MYOM2: variants seen among roughly 807,000 people sequenced by gnomAD.
MYOM2 encodes the protein myomesin 2.
MYOM2 carries 254 observed loss-of-function variants against 187.6 expected under a neutral mutation model. The observed-to-expected ratio is 1.35, with a 90% confidence interval of 1.22 to 1.50. The LOEUF (loss-of-function observed/expected upper bound fraction) is 1.50. MYOM2 is among the 40% of genes most tolerant of loss of function. The probability of loss-of-function intolerance (pLI) is 0.00; values close to 1 mark genes in which losing one functional copy is unlikely to be tolerated. For synonymous variants in MYOM2, 981 were observed against 753.8 expected (o/e 1.30, Z -4.94); for missense variants, 2,796 against 1,924.0 (o/e 1.45, Z -8.48).
intron 13 of MYOM2, among the ~76,000 whole-genome samples, chr8:2,082,426 G>C (rs952563422): frequency 3.9e-5 from 6 of 151,988 alleles, no homozygotes; most frequent in Non-Finnish European, 8.8e-5. Flanking sequence ...GCTTTAGCTA[G>C]AAAATACTTG....
chr8:2,142,719 TCCCTCCCTCCCTTCCTCCCTTCCTC>T (rs1798316892), intron 35 of MYOM2, among the ~76,000 whole-genome samples: 1 of 4,760 alleles, frequency 2.1e-4, no homozygotes, highest in Admixed American at 3.2e-3. Context: ...CCTCCCTCCC[TCCCTCCCTCCCTTCCTCCCTTCCTC>T]CCCTCCCTCC....
At chr8:2,118,499 G>C (rs1797320715) in intron 28 of MYOM2, among the ~76,000 whole-genome samples, 1 of 152,176 alleles carries the variant, frequency 6.6e-6, no homozygotes, top group African/African-American at 2.4e-5. Flanking sequence ...TCCCAAACTA[G>C]TTTCTTATTG....
At chr8:2,085,133 G>A (rs1819766563) in intron 13 of MYOM2, 130 bp from the exon 14 acceptor site, 1 of 1,159,976 alleles carries the variant, frequency 8.6e-7, no homozygotes, top group East Asian at 2.5e-5. Flanking sequence ...TTTGGGGTTT[G>A]TTTGACTTCC....
chr8:2,081,841 A>G (rs1352630026), intron 13 of MYOM2: 1 of 152,252 alleles, frequency 6.6e-6, no homozygotes, highest in African/African-American at 2.4e-5. Flanking sequence ...TGGCATCCAG[A>G]CACTGTAGCT....
intron 6 of MYOM2, among the ~76,000 whole-genome samples, chr8:2,061,539 T>C (rs1435037657): frequency 6.6e-6 from 1 of 152,180 alleles, no homozygotes; most frequent in African/African-American, 2.4e-5. Flanking sequence ...ATGCTCATCC[T>C]GGTGGCCTGA....
intron 31 of MYOM2, among the ~76,000 whole-genome samples, chr8:2,126,835 G>A (rs1464174712): frequency 7.1e-6 from 1 of 140,760 alleles, no homozygotes; most frequent in African/African-American, 2.7e-5. Flanking sequence ...GGAGCACTGG[G>A]AGAGGTTGAT....
At chr8:2,099,482 T>C (rs1796610737) in intron 19 of MYOM2, among the ~76,000 whole-genome samples, 1 of 151,772 alleles carries the variant, frequency 6.6e-6, no homozygotes, top group Admixed American at 6.6e-5. Context: ...GGGTTCTCAT[T>C]CGTGGGTGAG....
intron 28 of MYOM2, among the ~76,000 whole-genome samples, chr8:2,122,900 A>G (rs904307420): frequency 1.3e-5 from 2 of 152,190 alleles, no homozygotes; most frequent in Admixed American, 6.5e-5. Flanking sequence ...AATATTCTCT[A>G]TTATTCAGAA....
intron 30 of MYOM2, 127 bp from the exon 31 acceptor site, chr8:2,124,052 G>T: frequency 1.1e-6 from 1 of 909,184 alleles, no homozygotes; most frequent in Non-Finnish European, 1.7e-6. Context: ...GATAAATATT[G>T]CCATTTTAAT....
At position 2,101,007 on chromosome 8, in the gene MYOM2, G is replaced by C. The variant is rs763183832; in HGVS notation, c.2572G>C (p.Glu858Gln). 6 of 1,614,192 alleles carry C rather than the reference G, an allele frequency of 3.7e-6. No homozygotes were observed. The highest frequency in any genetic ancestry group is 5.1e-6 in the Non-Finnish European group (6 of 1,180,044). Reference sequence around the variant, plus strand: ...GGACTTCAGGGAGGAGGATGCTGGAGAGTGGATCACTGTCAATCAGACGAC... The same window carrying C: ...GGACTTCAGGGAGGAGGATGCTGGACAGTGGATCACTGTCAATCAGACGAC... ...FVDFREEDAG[E>Q]WITVNQTTTA... The change falls in exon 20 of 37, where the codon GAG becomes CAG. Residue 858 changes from glutamate to glutamine, a missense_variant. By Grantham distance (29) the Glu-to-Gln change is conservative. Transcript: ENST00000262113.
chr8:2,078,646 A>T, intron 11 of MYOM2, 88 bp from the exon 12 acceptor site: 2 of 1,174,030 alleles, frequency 1.7e-6, no homozygotes, highest in East Asian at 2.3e-5. Flanking sequence ...TGTTATAATC[A>T]GTGTGTGCAT....
At chr8:2,143,818 C>T (rs563389734) in intron 36 of MYOM2, among the ~76,000 whole-genome samples, 21 of 152,318 alleles carry the variant, frequency 1.4e-4, no homozygotes, top group African/African-American at 4.3e-4. Context: ...CCCTGACCTA[C>T]CTGCGTGTGT....
intron 32 of MYOM2, among the ~76,000 whole-genome samples, chr8:2,133,039 T>G (rs1797931266): frequency 6.6e-6 from 1 of 152,202 alleles, no homozygotes. Context: ...TGCCTTGCGG[T>G]CCTGGCCTGT....
chr8:2,142,306 G>T (rs1798300572), intron 34 of MYOM2, 69 bp from the exon 35 acceptor site: 2 of 1,453,458 alleles, frequency 1.4e-6, no homozygotes. Context: ...TCTCAGCTGT[G>T]CATTTTGTTG....
chr8:2,085,078 G>A (rs1819762736), intron 13 of MYOM2, 185 bp from the exon 14 acceptor site: 1 of 640,772 alleles, frequency 1.6e-6, no homozygotes, highest in Non-Finnish European at 2.6e-6. Flanking sequence ...AAACTAACTG[G>A]CTGATCTTTA....
rs558116342 is a variant in MYOM2, at chr8:2,144,873, C to A, written c.4290C>A (p.Asp1430Glu). The A allele has an allele frequency of 2.5e-6, 4 of 1,613,942 alleles. No homozygotes were observed. In the East Asian group the frequency reaches 8.9e-5, roughly 36 times the overall value. The change falls in exon 37 of 37, where the codon GAC becomes GAA. Residue 1430 changes from aspartate (D) to glutamate (E), a missense_variant. Asp to Glu is a conservative substitution (Grantham distance 45, BLOSUM62 2). Transcript: ENST00000262113. ...ATAAGTATGGCGGGGAGAAGATCGA[C>A]GTGACAGTGAGCGTGTACAAACACG... ...IKNKYGGEKI[D>E]VTVSVYKHGE... is the part of the protein sequence containing the mutation.
intron 6 of MYOM2, among the ~76,000 whole-genome samples, chr8:2,059,495 C>T (rs1004458445): frequency 4.3e-4 from 65 of 152,140 alleles, no homozygotes; most frequent in Admixed American, 1.9e-3. Context: ...AAGGTAATGG[C>T]ATCTGGGTGG....
chr8:2,116,622 T>C lies in MYOM2; in HGVS notation c.3385+347T>C, dbSNP rs143790883. On this transcript the variant is annotated intron_variant, in intron 27 of 36. Transcript: ENST00000262113. ...AGGAAATTGCTCATTCTACTTAAGA[T>C]TGTGGGAGCTGTTAAACTTTCTAAC... Among the ~76,000 whole-genome samples the C allele has an allele frequency of 3.8e-3, 580 of 152,354 alleles. 29 individuals carry two copies. The East Asian group carries it at 0.099, about 26-fold the overall frequency.
intron 11 of MYOM2, 180 bp downstream of exon 11, chr8:2,076,462 G>C (rs1819425900): frequency 1.3e-6 from 1 of 794,226 alleles, no homozygotes; most frequent in Non-Finnish European, 1.9e-6. Context: ...CGGCCAAGTA[G>C]GCTGAGCCCA....
Sources: allele counts gnomAD v4.1 joint callset (sites outside exome capture counted in the v4.1 genomes callset), GRCh38; gene constraint gnomAD v4.1.1; transcripts MANE v1.5; gene names NCBI Gene and HGNC (gene_info 2026-07-23, HGNC 2026-07-21).